Variants in GK observed in about 807,000 individuals in gnomAD.
GK encodes glycerol kinase.
A neutral mutation model predicts 56.4 loss-of-function variants in GK; 9 were observed. The observed-to-expected ratio is 0.16, with a 90% CI of 0.10 to 0.28. The LOEUF is 0.28. GK is among the 10% of genes least tolerant of loss of function. The pLI, the probability that GK is intolerant of heterozygous loss-of-function variation, is 1.00. For synonymous variants in GK, 104 were observed against 144.1 expected, an observed-to-expected ratio of 0.72 and a Z score of 1.99; for missense variants, 161 against 431.4, an observed-to-expected ratio of 0.37 and a Z score of 5.55.
intron 18 of GK, among the ~76,000 whole-genome samples, chrX:30,723,326 C>T (rs2147268562): frequency 9.3e-6 from 1 of 107,996 alleles, no homozygotes; most frequent in Admixed American, 9.8e-5. Context: ...ACCCGGGAGG[C>T]AGAGCTTGCA....
At chrX:30,724,523 AC>A (rs1937053372) in intron 19 of GK, 3 of 249,309 alleles carry the variant, frequency 1.2e-5, no homozygotes, top group East Asian at 1.1e-4. Flanking sequence ...CTCTCCTCTT[AC>A]TTTACCTTTT....
intron 11 of GK, among the ~76,000 whole-genome samples, chrX:30,704,189 T>G (rs1935862759): frequency 1.0e-5 from 1 of 100,084 alleles, no homozygotes; most frequent in Admixed American, 1.1e-4. Flanking sequence ...TGGAGTGCAG[T>G]AGTGAGATCC....
chrX:30,658,700 C>T (rs1181537725), intron 1 of GK, among the ~76,000 whole-genome samples: 1 of 112,618 alleles, frequency 8.9e-6, no homozygotes, highest in African/African-American at 3.2e-5. Flanking sequence ...GTACCAGGAA[C>T]ACATTCTCAA....
chrX:30,699,138 G>T (rs1303307619), intron 9 of GK, among the ~76,000 whole-genome samples: 1 of 102,816 alleles, frequency 9.7e-6, no homozygotes, highest in East Asian at 3.0e-4. Flanking sequence ...CTTTAGTTTG[G>T]TGCTCATCCT....
intron 1 of GK, among the ~76,000 whole-genome samples, chrX:30,655,980 G>T (rs1932239752): frequency 8.9e-6 from 1 of 112,059 alleles, no homozygotes; most frequent in Non-Finnish European, 1.9e-5. Flanking sequence ...CTTAGAGAAT[G>T]ATTTTATAAA....
chrX:30,703,459 G>A (rs923536930), intron 11 of GK, among the ~76,000 whole-genome samples: 1 of 111,091 alleles, frequency 9.0e-6, no homozygotes, highest in Non-Finnish European at 1.9e-5. Flanking sequence ...GAGACAGAGA[G>A]GGAGGCCATG....
chrX:30,701,904 G>C (rs1443900727), intron 11 of GK, among the ~76,000 whole-genome samples: 1 of 112,233 alleles, frequency 8.9e-6, no homozygotes, highest in Non-Finnish European at 1.9e-5. Flanking sequence ...TCATAGCCTT[G>C]ACACAAAAGC....
At chrX:30,707,908 G>T in intron 12 of GK, 146 bp from the exon 13 acceptor site, 1 of 466,799 alleles carries the variant, frequency 2.1e-6, no homozygotes, top group South Asian at 3.4e-5. Context: ...TCTTAATTCT[G>T]ATCGTTTTGA....
At chrX:30,700,653 C>T (rs1332258316) in intron 10 of GK, among the ~76,000 whole-genome samples, 185 bp from the exon 11 acceptor site, 1 of 112,054 alleles carries the variant, frequency 8.9e-6, no homozygotes, top group Non-Finnish European at 1.9e-5. Flanking sequence ...CCTTCCCATA[C>T]CTATTATCTT....
chrX:30,702,459 T>C (rs1935739235), intron 11 of GK, among the ~76,000 whole-genome samples: 1 of 113,062 alleles, frequency 8.8e-6, no homozygotes, highest in Non-Finnish European at 1.9e-5. Context: ...GCTTAGCCAA[T>C]GGCTATTGTG....
chrX:30,697,698 T>A, intron 8 of GK, 34 bp from the exon 9 acceptor site: 1 of 1,053,480 alleles, frequency 9.5e-7, no homozygotes, highest in South Asian at 1.9e-5. Flanking sequence ...AATATTATGC[T>A]TCTATCCTTC....
At chrX:30,725,917 T>C (rs1937108668) in intron 19 of GK, among the ~76,000 whole-genome samples, 1 of 110,796 alleles carries the variant, frequency 9.0e-6, no homozygotes, top group Non-Finnish European at 1.9e-5. Context: ...CCTCCCAAAG[T>C]GCTGGGATTA....
intron 11 of GK, among the ~76,000 whole-genome samples, chrX:30,703,126 G>A (rs897485157): frequency 1.8e-5 from 2 of 112,112 alleles, no homozygotes; most frequent in African/African-American, 6.5e-5. Flanking sequence ...AAAATGAGCA[G>A]TATTGGAGGG....
chrX:30,686,364 A>G (rs1464438969), intron 4 of GK, among the ~76,000 whole-genome samples: 1 of 112,324 alleles, frequency 8.9e-6, no homozygotes, highest in Admixed American at 9.4e-5. Flanking sequence ...AAACAACCCA[A>G]TAACACTTTG....
chrX:30,725,115 T>A (rs1937079182), intron 19 of GK, among the ~76,000 whole-genome samples: 1 of 111,263 alleles, frequency 9.0e-6, no homozygotes, highest in Admixed American at 9.6e-5. Flanking sequence ...ACTCCTGACC[T>A]CAAGTGATCC....
chrX:30,700,512 C>G, intron 10 of GK, 63 bp downstream of exon 10: 4 of 918,279 alleles, frequency 4.4e-6, no homozygotes, highest in Non-Finnish European at 4.7e-6. Flanking sequence ...CTTTCCTCCT[C>G]TTAGTTCATC....
intron 6 of GK, chrX:30,695,141 G>C: frequency 2.6e-6 from 2 of 772,404 alleles, no homozygotes; most frequent in Non-Finnish European, 3.5e-6. Context: ...CAGTAAGTAT[G>C]TAATGATCTT....
intron 4 of GK, among the ~76,000 whole-genome samples, chrX:30,690,879 G>A (rs762762001): frequency 9.0e-6 from 1 of 111,440 alleles, no homozygotes; most frequent in Non-Finnish European, 1.9e-5. Flanking sequence ...GCACTCTAAG[G>A]TTTGTATTAT....
At chrX:30,668,357 A>G (rs891586314) in intron 3 of GK, among the ~76,000 whole-genome samples, 12 of 112,369 alleles carry the variant, frequency 1.1e-4, no homozygotes, top group Non-Finnish European at 2.3e-4. Flanking sequence ...TCCATTCCAA[A>G]AAATAAAAAC....
Sources: gnomAD v4.1 joint callset for allele counts (sites outside exome capture counted in the v4.1 genomes callset) on GRCh38, gnomAD v4.1.1 for gene constraint, MANE v1.5 for transcripts, NCBI Gene and HGNC (gene_info 2026-07-23, HGNC 2026-07-21) for gene names.